ZBTB41: variants seen among roughly 807,000 people sequenced by gnomAD.
ZBTB41 encodes zinc finger and BTB domain containing 41.
A neutral mutation model predicts 87.6 loss-of-function variants in ZBTB41; 42 were observed. The ratio of observed to expected loss-of-function variants is 0.48; its 90% CI spans 0.37 to 0.62. ZBTB41 has a LOEUF of 0.62. ZBTB41 is among the 20% of genes least tolerant of loss of function. The pLI, the probability that ZBTB41 is intolerant of heterozygous loss-of-function variation, is 0.00. For synonymous variants in ZBTB41, 364 were observed against 364.0 expected, an observed-to-expected ratio of 1.00 and a Z score of 0.00; for missense variants, 799 against 1,078.9, an observed-to-expected ratio of 0.74 and a Z score of 3.63.
intron 10 of ZBTB41, among the ~76,000 whole-genome samples, chr1:197,165,611 AAAAAAAAAC>A (rs543263568): frequency 4.2e-4 from 63 of 151,314 alleles, no homozygotes; most frequent in Admixed American, 7.2e-4. Context: ...CTCTATCTCA[AAAAAAAAAC>A]AAAAAAAACA....
At position 197,159,821 on chromosome 1, in the gene ZBTB41, G is replaced by C; in HGVS notation, c.2268C>G (p.Leu756=). 6.2e-7 allele frequency: 1 copy of C among 1,614,030 alleles called. No individual in the cohort carries two copies. The highest frequency in any genetic ancestry group is 8.5e-7 in the Non-Finnish European group (1 of 1,179,918). ...ATACAAGTTTTTCCTCAGAAGTACT[G>C]AGAGGATCATCAGGAGATTTTATTT... The part of the protein sequence containing the change: ...VHEIKSPDDP[L]STSEEKLVSL... Residue 756 remains leucine, a synonymous_variant, in exon 11 of 11, where the codon CTC becomes CTG. Transcript: ENST00000367405.
At position 197,200,571 on chromosome 1, in the gene ZBTB41, G is replaced by T; in HGVS notation, c.-98C>A. 8.2e-7 allele frequency: 1 copy of T among 1,220,346 alleles called. No individual in the cohort carries two copies. The highest frequency in any genetic ancestry group is 1.1e-6 in the Non-Finnish European group (1 of 896,260). The allele number at this position is 1,220,346 out of a possible 1,614,324, so 75.6% of individuals were successfully genotyped here. On this transcript the variant is annotated 5_prime_UTR_variant, in exon 2 of 11. Coordinates refer to ENST00000367405, the MANE Select transcript of ZBTB41 (RefSeq NM_194314.3). ...CTTGGATAACAGCTTCTGAAGGGGC[G>T]TGCCCAAGGGTTTCATGGTCTGCAA...
intron 5 of ZBTB41, among the ~76,000 whole-genome samples, chr1:197,183,859 A>G (rs7520503): frequency 0.75 from 114,512 of 152,064 alleles, 47,605 homozygotes; most frequent in East Asian, 0.98. Flanking sequence ...AGTCATAAAA[A>G]TCTTCCAGTT....
chr1:197,188,262 G>T, intron 5 of ZBTB41, 30 bp downstream of exon 5: 2 of 1,609,020 alleles, frequency 1.2e-6, no homozygotes, highest in South Asian at 2.2e-5. Flanking sequence ...AAATTGTCAT[G>T]ACTGCCTTAA....
rs780905542 is a variant in ZBTB41, at chr1:197,199,882, C to T, written c.592G>A (p.Glu198Lys). Residue 198 changes from glutamate to lysine, a missense_variant, in exon 2 of 11, where the codon GAA becomes AAA. Glu to Lys is a moderately conservative substitution (Grantham distance 56, BLOSUM62 1). Around this residue, in one of 5 missense-constraint regions of ZBTB41, gnomAD observed 294 missense variants for 340.1 expected, o/e 0.86. Coordinates refer to ENST00000367405, the MANE Select transcript of ZBTB41 (RefSeq NM_194314.3). ...TTATTTGATAGTCTTCCAGTTAATTCATTTAGTGTTTCTTCTGGTGATGAC... is the reference window on the plus strand; with the variant it reads ...TTATTTGATAGTCTTCCAGTTAATTTATTTAGTGTTTCTTCTGGTGATGAC... ...EKSSPEETLN[E>K]LTGRLSNNHQ... The T allele has an allele frequency of 6.2e-7, 1 of 1,609,836 alleles. No homozygotes were observed. Among genetic ancestry groups the T allele is most frequent in the Admixed American group, 1.7e-5 (1 of 59,192 alleles).
At chr1:197,195,304 T>C (rs1052383609) in intron 2 of ZBTB41, among the ~76,000 whole-genome samples, 2 of 152,198 alleles carry the variant, frequency 1.3e-5, no homozygotes, top group African/African-American at 4.8e-5. Flanking sequence ...AAGTCATAAA[T>C]TAAAGATATT....
chr1:197,186,846 A>G (rs1172145162), intron 5 of ZBTB41, among the ~76,000 whole-genome samples: 1 of 152,174 alleles, frequency 6.6e-6, no homozygotes, highest in African/African-American at 2.4e-5. Context: ...CCTGGGCAAC[A>G]GAGCAAGACT....
chr1:197,187,718 A>C (rs1659920359), intron 5 of ZBTB41, among the ~76,000 whole-genome samples: 1 of 152,208 alleles, frequency 6.6e-6, no homozygotes, highest in African/African-American at 2.4e-5. Flanking sequence ...GGCAACCTGA[A>C]AAGGCAACAC....
At chr1:197,190,167 C>T (rs1659993038) in intron 4 of ZBTB41, among the ~76,000 whole-genome samples, 1 of 152,110 alleles carries the variant, frequency 6.6e-6, no homozygotes, top group African/African-American at 2.4e-5. Context: ...GTGATCCACT[C>T]GCCTAGGCCT....
At chr1:197,195,649 T>G (rs987993186) in intron 2 of ZBTB41, among the ~76,000 whole-genome samples, 2 of 152,218 alleles carry the variant, frequency 1.3e-5, no homozygotes, top group African/African-American at 4.8e-5. Flanking sequence ...ATTGTGAATT[T>G]AATCTAATGA....
At chr1:197,164,231 A>G (rs1053469319) in intron 10 of ZBTB41, among the ~76,000 whole-genome samples, 1 of 152,094 alleles carries the variant, frequency 6.6e-6, no homozygotes, top group Non-Finnish European at 1.5e-5. Flanking sequence ...CAATTTCAGA[A>G]TGCACATTGT....
Position 197,199,545 on chromosome 1 carries a change from T to C in ZBTB41, c.929A>G (p.Glu310Gly). 6.2e-7 allele frequency: 1 copy of C among 1,608,764 alleles called. No individual in the cohort carries two copies. Among genetic ancestry groups the C allele is most frequent in the South Asian group, 1.1e-5 (1 of 89,858 alleles). ...SEYNAEEDEL[E>G]EEMSDEYSDI... ...AGAGTACTCATCTGACATCTCCTCCTCTAGCTCATCTTCTTCAGCATTATA... is the reference window on the plus strand; with the variant it reads ...AGAGTACTCATCTGACATCTCCTCCCCTAGCTCATCTTCTTCAGCATTATA... The change falls in exon 2 of 11, where the codon GAG (glutamate) becomes GGG (glycine). Residue 310 changes from glutamate to glycine, a missense_variant. This residue lies in a region of ZBTB41 where 294 missense variants were observed against 340.1 expected (regional missense o/e 0.86). Coordinates refer to ENST00000367405, the MANE Select transcript of ZBTB41 (RefSeq NM_194314.3).
Position 197,199,651 on chromosome 1 carries a change from C to T in ZBTB41, c.823G>A (p.Asp275Asn). The change falls in exon 2 of 11, where the codon GAT (aspartate) becomes AAT (asparagine). Residue 275 changes from aspartate (D) to asparagine (N), a missense_variant. This residue lies in a region of ZBTB41 where 294 missense variants were observed against 340.1 expected (regional missense o/e 0.86). Coordinates refer to ENST00000367405, the MANE Select transcript of ZBTB41 (RefSeq NM_194314.3). ...TCTTGATTCAAATTGTCTGACCCAT[C>T]ACCACTTTCCTGTTCATCATCGCTG... The part of the protein sequence containing the change: ...DTSDDEQESG[D>N]GSDNLNQENF... 1.9e-6 allele frequency: 3 copies of T among 1,613,110 alleles called. No homozygotes were observed. Among genetic ancestry groups the T allele is most frequent in the African/African-American group, 2.7e-5 (2 of 74,974 alleles).
Position 197,199,885 on chromosome 1 carries a change from T to C in ZBTB41, c.589A>G (p.Asn197Asp). Residue 197 changes from asparagine to aspartate, a missense_variant, in exon 2 of 11, where the codon AAT (asparagine) becomes GAT (aspartate). Physicochemically the swap from Asn to Asp is conservative, Grantham distance 23. Coordinates refer to ENST00000367405, the MANE Select transcript of ZBTB41 (RefSeq NM_194314.3). Reference sequence around the variant, plus strand: ...TTTGATAGTCTTCCAGTTAATTCATTTAGTGTTTCTTCTGGTGATGACTTT... The same window carrying C: ...TTTGATAGTCTTCCAGTTAATTCATCTAGTGTTTCTTCTGGTGATGACTTT... The part of the protein sequence containing the change: ...TEKSSPEETL[N>D]ELTGRLSNNH... 6.2e-7 allele frequency: 1 copy of C among 1,610,178 alleles called. No individual in the cohort carries two copies. The highest frequency in any genetic ancestry group is 8.5e-7 in the Non-Finnish European group (1 of 1,178,614).
chr1:197,189,541 T>A (rs1040178221), intron 4 of ZBTB41, among the ~76,000 whole-genome samples: 2 of 150,000 alleles, frequency 1.3e-5, no homozygotes, highest in African/African-American at 4.9e-5. Flanking sequence ...AAAAAAAAAA[T>A]TAATGTAAAT....
At chr1:197,166,718 G>T (rs1659353472) in intron 10 of ZBTB41, among the ~76,000 whole-genome samples, 3 of 151,850 alleles carry the variant, frequency 2.0e-5, no homozygotes, top group Non-Finnish European at 4.4e-5. Flanking sequence ...GTGGAGGCTG[G>T]TGCCTGTAAT....
At chr1:197,160,286 G>A (rs887795946) in intron 10 of ZBTB41, among the ~76,000 whole-genome samples, 1 of 152,134 alleles carries the variant, frequency 6.6e-6, no homozygotes, top group Non-Finnish European at 1.5e-5. Context: ...TTTCTCATCT[G>A]TAATATGGAA....
intron 8 of ZBTB41, among the ~76,000 whole-genome samples, chr1:197,175,536 A>G: frequency 6.7e-6 from 1 of 148,858 alleles, no homozygotes; most frequent in East Asian, 2.0e-4. Context: ...AAACATTTTC[A>G]GATCTTTGTA....
At chr1:197,196,586 C>T (rs977455805) in intron 2 of ZBTB41, among the ~76,000 whole-genome samples, 1 of 152,150 alleles carries the variant, frequency 6.6e-6, no homozygotes, top group Admixed American at 6.5e-5. Flanking sequence ...TTCTTACAGG[C>T]CATGGTTTCC....
Sources: gnomAD v4.1 joint callset for allele counts (sites outside exome capture counted in the v4.1 genomes callset) on GRCh38, gnomAD v4.1.1 for gene constraint, gnomAD v4.1.1 regional missense constraint, MANE v1.5 for transcripts, NCBI Gene and HGNC (gene_info 2026-07-23, HGNC 2026-07-21) for gene names.